Variants in H2BC4 observed in about 807,000 individuals in gnomAD.
H2BC4 encodes H2B clustered histone 4, also known as histone H2B type 1-C/E/F/G/I.
A neutral mutation model predicts 6.2 loss-of-function variants in H2BC4; 10 were observed. That is an observed-to-expected ratio of 1.61 (90% CI 0.99 to 2.73). H2BC4 has a LOEUF of 2.73. Ranked by LOEUF, H2BC4 falls within the 30% of genes most tolerant of loss-of-function variation. H2BC4 has a pLI of 0.00. For synonymous variants in H2BC4, 146 were observed against 70.7 expected (o/e 2.07, Z -5.35); for missense variants, 176 against 168.7 (o/e 1.04, Z -0.24).
At chr6:26,114,808 T>C (rs1226589953), downstream of H2BC4, 2 of 151,920 alleles carry the variant, frequency 1.3e-5, no homozygotes, top group African/African-American at 4.8e-5. Flanking sequence ...TTATATATGA[T>C]ACATGATGTG....
rs1354856447 is a variant in H2BC4, at chr6:26,123,652, T to C, written c.253A>G (p.Asn85Asp). Residue 85 changes from asparagine to aspartate, a missense_variant, in exon 1 of 1, where the codon AAC becomes GAC. Asn to Asp is a conservative substitution (Grantham distance 23). Transcript: ENST00000396984. ...AGEASRLAHY[N>D]KRSTITSREI... ...CTGGAGGTGATGGTCGAGCGCTTGT[T>C]GTAATGCGCCAGGCGGGAAGCCTCG... is the stretch of plus-strand genomic sequence containing the variant. 1.9e-6 allele frequency: 3 copies of C among 1,614,134 alleles called. No individual in the cohort carries two copies. The highest frequency in any genetic ancestry group is 2.5e-6 in the Non-Finnish European group (3 of 1,180,054).
At chr6:26,114,026 T>C (rs1425592077), downstream of H2BC4, among the ~76,000 whole-genome samples, 2 of 152,114 alleles carry the variant, frequency 1.3e-5, no homozygotes, top group African/African-American at 4.8e-5. Context: ...TAGAGTCATA[T>C]TGGGGTTTAT....
intron 1 of H2BC4, among the ~76,000 whole-genome samples, chr6:26,115,535 T>G (rs1406598690): frequency 6.6e-6 from 1 of 152,146 alleles, no homozygotes; most frequent in East Asian, 1.9e-4. Flanking sequence ...GGATAAAAAT[T>G]TATCCAGTGA....
chr6:26,119,844 C>G (rs1763475876), downstream of H2BC4, among the ~76,000 whole-genome samples: 1 of 151,200 alleles, frequency 6.6e-6, no homozygotes, highest in South Asian at 2.1e-4. Context: ...ATATATTTTC[C>G]TTATTAAAAA....
At chr6:26,114,260 C>A (rs944381511), downstream of H2BC4, among the ~76,000 whole-genome samples, 1 of 152,140 alleles carries the variant, frequency 6.6e-6, no homozygotes, top group East Asian at 1.9e-4. Context: ...TATATAGTGC[C>A]TTCCCATGTA....
chr6:26,123,682 C>T lies in H2BC4; in HGVS notation c.223G>A (p.Ala75Thr). ...SFVNDIFERI[A>T]GEASRLAHYN... The stretch of plus-strand genomic sequence containing the variant: ...TGCGCCAGGCGGGAAGCCTCGCCCG[C>T]GATGCGCTCAAATATGTCGTTAACG... The change falls in exon 1 of 1, where the codon GCG becomes ACG. Residue 75 changes from alanine (A) to threonine (T), a missense_variant. Coordinates refer to ENST00000396984, the MANE Select transcript of H2BC4 (RefSeq NM_003526.3). 1 of 1,614,260 alleles carries T rather than the reference C, an allele frequency of 6.2e-7. No individual in the cohort carries two copies. Among genetic ancestry groups the T allele is most frequent in the Non-Finnish European group, 8.5e-7 (1 of 1,180,052 alleles).
chr6:26,123,282 AAATT>A, downstream of H2BC4: 1 of 653,282 alleles, frequency 1.5e-6, no homozygotes, highest in Non-Finnish European at 2.4e-6. Flanking sequence ...TCTCCATTTT[AAATT>A]TAAGCACAAC....
In H2BC4 at chr6:26,123,575, G is replaced by A. The variant is rs376391280; in HGVS notation, c.330C>T (p.His110=). Residue 110 remains histidine (H), a synonymous_variant, in exon 1 of 1, where the codon CAC becomes CAT. Coordinates refer to ENST00000396984, the MANE Select transcript of H2BC4 (RefSeq NM_003526.3). The part of the protein sequence containing the change: ...RLLLPGELAK[H]AVSEGTKAVT... The stretch of plus-strand genomic sequence containing the variant: ...CGGCCTTGGTGCCCTCCGACACGGC[G>A]TGCTTGGCCAGCTCTCCGGGAAGCA... The A allele has an allele frequency of 5.0e-6, 8 of 1,614,136 alleles. No homozygotes were observed. The African/African-American group carries it at 5.3e-5, about 11-fold the overall frequency.
downstream of H2BC4, among the ~76,000 whole-genome samples, chr6:26,119,468 C>G (rs1763469960): frequency 6.6e-6 from 1 of 152,124 alleles, no homozygotes. Flanking sequence ...TTAAAGTTAT[C>G]ATACACTGTG....
In H2BC4 at chr6:26,123,651, T is replaced by C; in HGVS notation, c.254A>G (p.Asn85Ser). ...CCTGGAGGTGATGGTCGAGCGCTTG[T>C]TGTAATGCGCCAGGCGGGAAGCCTC... ...AGEASRLAHY[N>S]KRSTITSREI... is the part of the protein sequence containing the mutation. The change falls in exon 1 of 1, where the codon AAC becomes AGC. Residue 85 changes from asparagine to serine, a missense_variant. By Grantham distance (46) the Asn-to-Ser change is conservative (BLOSUM62 1). Coordinates refer to ENST00000396984, the MANE Select transcript of H2BC4 (RefSeq NM_003526.3). 1 of 1,614,252 alleles carries C rather than the reference T, an allele frequency of 6.2e-7. No individual in the cohort carries two copies. Among genetic ancestry groups the C allele is most frequent in the Non-Finnish European group, 8.5e-7 (1 of 1,180,042 alleles).
chr6:26,113,486 C>T (rs146509285), downstream of H2BC4, among the ~76,000 whole-genome samples: 1 of 152,288 alleles, frequency 6.6e-6, no homozygotes, highest in East Asian at 1.9e-4. Flanking sequence ...TGTGAGGTGG[C>T]TATCTACATG....
downstream of H2BC4, among the ~76,000 whole-genome samples, chr6:26,113,740 G>A (rs1763387033): frequency 6.6e-6 from 1 of 152,182 alleles, no homozygotes; most frequent in Non-Finnish European, 1.5e-5. Flanking sequence ...AAGTCTCAGA[G>A]CAGGGTATAG....
In H2BC4 at chr6:26,115,519, C is replaced by G. The variant is rs1457848548; in HGVS notation, c.*10-384G>C. ...GTCCTAAAGTTCCATTTGATCTAAA[C>G]TTGAAGGATAAAAATTTATCCAGTG... On this transcript the variant is annotated intron_variant, in intron 1 of 1. Transcript: ENST00000314332. Among the ~76,000 whole-genome samples, 4 of 152,232 alleles carry G rather than the reference C, an allele frequency of 2.6e-5. No homozygotes were observed. The East Asian group carries it at 5.8e-4, about 22-fold the overall frequency.
chr6:26,120,915 A>G (rs1244771888), downstream of H2BC4, among the ~76,000 whole-genome samples: 1 of 152,220 alleles, frequency 6.6e-6, no homozygotes, highest in Non-Finnish European at 1.5e-5. Flanking sequence ...AGTTATTGAG[A>G]CCAGACATTC....
At chr6:26,118,309 CTCAAAGATCAGTTTGG>C (rs2307823) in intron 1 of H2BC4, among the ~76,000 whole-genome samples, 91,177 of 126,100 alleles carry the variant, frequency 0.72, 29,235 homozygotes, top group East Asian at 0.86. Context: ...ATGAATAGGT[CTCAAAGATCAGTTTGG>C]TCAAAGATCA....
chr6:26,121,443 C>G (rs1021776140), downstream of H2BC4, among the ~76,000 whole-genome samples: 2 of 152,022 alleles, frequency 1.3e-5, no homozygotes, highest in African/African-American at 2.4e-5. Flanking sequence ...AACCTGTTTC[C>G]AAGACACACA....
chr6:26,117,973 T>C (rs1399797677), intron 1 of H2BC4, among the ~76,000 whole-genome samples: 1 of 152,216 alleles, frequency 6.6e-6, no homozygotes, highest in African/African-American at 2.4e-5. Context: ...TGCAGCACTA[T>C]GGCTATCTCT....
downstream of H2BC4, among the ~76,000 whole-genome samples, chr6:26,122,860 G>A (rs890835587): frequency 8.5e-5 from 13 of 152,166 alleles, no homozygotes; most frequent in Non-Finnish European, 1.0e-4. Flanking sequence ...AGCAACATCT[G>A]GCGCAGTGCT....
chr6:26,118,000 T>C (rs1408126458), intron 1 of H2BC4, among the ~76,000 whole-genome samples: 1 of 152,244 alleles, frequency 6.6e-6, no homozygotes, highest in Non-Finnish European at 1.5e-5. Flanking sequence ...TATTTTCCAC[T>C]GACAACCAAC....
Sources: allele counts gnomAD v4.1 joint callset (sites outside exome capture counted in the v4.1 genomes callset), GRCh38; gene constraint gnomAD v4.1.1; transcripts MANE v1.5; gene names NCBI Gene and HGNC (gene_info 2026-07-23, HGNC 2026-07-21).